SLC5A5: variants seen among roughly 807,000 people sequenced by gnomAD.
SLC5A5 encodes solute carrier family 5 member 5, also known as sodium/iodide cotransporter.
Under a neutral mutation model 68.6 loss-of-function variants are expected in SLC5A5, and 56 were observed. The observed-to-expected ratio is 0.82, with a 90% CI of 0.66 to 1.02. The LOEUF is 1.02. SLC5A5 is among the 50% of genes least tolerant of loss of function. SLC5A5 has a pLI of 0.00. For missense variants in SLC5A5, 807 were observed against 859.8 expected (o/e 0.94, Z 0.77); for synonymous variants, 398 against 373.0 (o/e 1.07, Z -0.77).
chr19:17,885,683 A>G (rs1246035111), intron 12 of SLC5A5, among the ~76,000 whole-genome samples: 2 of 151,788 alleles, frequency 1.3e-5, no homozygotes, highest in Non-Finnish European at 2.9e-5. Flanking sequence ...TCCTGGTCAT[A>G]AGAACATTTT....
chr19:17,872,370 C>T lies in SLC5A5; in HGVS notation c.51C>T (p.Tyr17=), dbSNP rs1057280138. 10 of 1,595,648 alleles carry T rather than the reference C, an allele frequency of 6.3e-6. No individual in the cohort carries two copies. The African/African-American group carries it at 1.3e-4, about 21-fold the overall frequency. ...GERPTFGAWD[Y]GVFALMLLVS... Reference sequence around the variant, plus strand: ...GGCCCACCTTCGGAGCCTGGGACTACGGGGTCTTTGCCCTCATGCTCCTGG... The same window carrying T: ...GGCCCACCTTCGGAGCCTGGGACTATGGGGTCTTTGCCCTCATGCTCCTGG... Residue 17 remains tyrosine, a synonymous_variant, in exon 1 of 15, where the codon TAC becomes TAT. Transcript: ENST00000222248.
intron 4 of SLC5A5, among the ~76,000 whole-genome samples, chr19:17,875,634 T>C (rs1009732195): frequency 6.8e-6 from 1 of 146,860 alleles, no homozygotes; most frequent in African/African-American, 2.6e-5. Context: ...TTTAAATTAG[T>C]CGGGCATGGT....
chr19:17,894,006 C>G lies in SLC5A5; in HGVS notation c.*129C>G. On this transcript the variant is annotated 3_prime_UTR_variant, in exon 15 of 15. Coordinates refer to ENST00000222248, the MANE Select transcript of SLC5A5 (RefSeq NM_000453.3). ...TTGTATGCAAATGAGTTCAGGACTA[C>G]AATACCCTACCCTATGGGGAGGCCC... The G allele has an allele frequency of 2.2e-6, 2 of 913,854 alleles. No homozygotes were observed. The highest frequency in any genetic ancestry group is 3.5e-6 in the Non-Finnish European group (2 of 578,116). The allele number at this position is 913,854 out of a possible 1,614,324, so 56.6% of individuals were successfully genotyped here.
chr19:17,882,320 G>A (rs2094322541), intron 10 of SLC5A5, 101 bp downstream of exon 10: 4 of 927,146 alleles, frequency 4.3e-6, no homozygotes, highest in Non-Finnish European at 6.9e-6. Context: ...ATGTGTCAGT[G>A]GCAGAACTCA....
rs540139881 is a variant in SLC5A5, at chr19:17,893,943, C to T, written c.*66C>T. The T allele has an allele frequency of 9.7e-5, 140 of 1,449,044 alleles. No homozygotes were observed. The highest frequency in any genetic ancestry group is 1.0e-4 in the Non-Finnish European group (106 of 1,054,280). 89.8% of individuals were successfully genotyped at this position (1,449,044 alleles called of 1,614,324 possible). On this transcript the variant is annotated 3_prime_UTR_variant, in exon 15 of 15. Coordinates refer to ENST00000222248, the MANE Select transcript of SLC5A5 (RefSeq NM_000453.3). The stretch of plus-strand genomic sequence containing the variant: ...CTCAGGATGGGCCAAACCCAGACAA[C>T]GGGCCCATGGCCTTGGGCTCTGATT...
chr19:17,890,379 GT>G (rs1183295107), intron 13 of SLC5A5, among the ~76,000 whole-genome samples: 1 of 150,118 alleles, frequency 6.7e-6, no homozygotes, highest in Admixed American at 6.6e-5. Context: ...CTCCAATGAT[GT>G]TTTTGTTTTG....
intron 5 of SLC5A5, 126 bp downstream of exon 5, chr19:17,876,232 C>T: frequency 4.3e-6 from 4 of 932,898 alleles, no homozygotes; most frequent in Non-Finnish European, 6.8e-6. Context: ...GAGTTCAAGA[C>T]CAGCCTGGGC....
At chr19:17,879,836 G>T (rs1464861255) in intron 7 of SLC5A5, among the ~76,000 whole-genome samples, 2 of 152,120 alleles carry the variant, frequency 1.3e-5, no homozygotes, top group African/African-American at 4.8e-5. Context: ...CAATTCTCAG[G>T]TTCATGCAGT....
intron 12 of SLC5A5, among the ~76,000 whole-genome samples, chr19:17,886,603 C>T (rs1238624592): frequency 1.3e-5 from 2 of 152,084 alleles, no homozygotes; most frequent in African/African-American, 2.4e-5. Context: ...CCACCACGCC[C>T]GGCCTATGTT....
chr19:17,875,892 C>T (rs2094305699), intron 4 of SLC5A5, 60 bp from the exon 5 acceptor site: 1 of 1,567,162 alleles, frequency 6.4e-7, no homozygotes, highest in South Asian at 1.1e-5. Flanking sequence ...TCCTAGGCAC[C>T]ACTGAAGGCC....
intron 14 of SLC5A5, among the ~76,000 whole-genome samples, chr19:17,892,691 A>AGAGAGAGAGAGC (rs1386937959): frequency 8.0e-5 from 12 of 150,224 alleles, no homozygotes; most frequent in African/African-American, 3.0e-4. Flanking sequence ...AGAGAGAGAG[A>AGAGAGAGAGAGC]GAGAGAGCAA....
chr19:17,890,084 T>C (rs934972368), intron 13 of SLC5A5, among the ~76,000 whole-genome samples: 13 of 151,972 alleles, frequency 8.6e-5, no homozygotes, highest in Admixed American at 7.2e-4. Context: ...TGTTTTGTTT[T>C]TTTGAGATGG....
Position 17,894,510 on chromosome 19 carries a change from T to C in SLC5A5, c.*633T>C, listed in dbSNP as rs2147760390. On this transcript the variant is annotated 3_prime_UTR_variant, in exon 15 of 15. Transcript: ENST00000222248. ...CCCAGGTAATTTTTGTAATTTTGTA[T>C]TTTTGTAGAGACGGGGTTTTGCCAT... 1 of 152,814 alleles carries C rather than the reference T, an allele frequency of 6.5e-6. No individual in the cohort carries two copies. Among genetic ancestry groups the C allele is most frequent in the South Asian group, 2.1e-4 (1 of 4,840 alleles). 9.5% of individuals were successfully genotyped at this position (152,814 alleles called of 1,614,324 possible).
chr19:17,891,682 G>A (rs1257970483), intron 14 of SLC5A5, among the ~76,000 whole-genome samples: 1 of 152,230 alleles, frequency 6.6e-6, no homozygotes, highest in Non-Finnish European at 1.5e-5. Context: ...ATTCAAAAGT[G>A]AGTCAACTTG....
At chr19:17,874,098 G>T in intron 1 of SLC5A5, 40 bp from the exon 2 acceptor site, 1 of 1,496,636 alleles carries the variant, frequency 6.7e-7, no homozygotes, top group South Asian at 1.1e-5. Context: ...TCGGCTCCTG[G>T]GTAAGGACTG....
rs752151915 is a variant in SLC5A5 at position 17,883,756 on chromosome 19, T to C, written c.1318T>C (p.Cys440Arg). Residue 440 changes from cysteine to arginine, a missense_variant, in exon 11 of 15, where the codon TGC becomes CGC. Cys to Arg is a radical substitution (Grantham distance 180). Transcript: ENST00000222248. ...CATCTTGGGAATGTTCCTGCCGGCCTGCAACACACCGGTGAGTGGGGGCGG... is the reference window on the plus strand; with the variant it reads ...CATCTTGGGAATGTTCCTGCCGGCCCGCAACACACCGGTGAGTGGGGGCGG... ...AFILGMFLPA[C>R]NTPGVLAGLG... The C allele has an allele frequency of 1.5e-5, 22 of 1,430,714 alleles. No individual in the cohort carries two copies. The Admixed American group carries it at 4.1e-4, about 26-fold the overall frequency. The allele number at this position is 1,430,714 out of a possible 1,614,324, so 88.6% of individuals were successfully genotyped here.
rs545574874 is a variant in SLC5A5, at chr19:17,881,102, C to T, written c.1058+149C>T. 7.9e-5 allele frequency: 57 copies of T among 720,634 alleles called. 1 individual carries two copies. In the Admixed American group the frequency reaches 9.1e-4, roughly 11 times the overall value. 44.6% of individuals were successfully genotyped at this position (720,634 alleles called of 1,614,324 possible). ...ATCCCTAGAAGACAGCTCAGGTAGG[C>T]GCTGGCAGAGAGCATGCCCTGGGCA... On this transcript the variant is annotated intron_variant, in intron 8 of 14. Coordinates refer to ENST00000222248, the MANE Select transcript of SLC5A5 (RefSeq NM_000453.3).
intron 4 of SLC5A5, among the ~76,000 whole-genome samples, chr19:17,875,587 A>ACCC (rs59128676): frequency 2.1e-5 from 3 of 145,108 alleles, no homozygotes; most frequent in African/African-American, 7.9e-5. Context: ...ACATAGTGAG[A>ACCC]CCCCCCCCCG....
Position 17,894,024 on chromosome 19 carries a change from G to A in SLC5A5, c.*147G>A. 1 of 794,106 alleles carries A rather than the reference G, an allele frequency of 1.3e-6. No homozygotes were observed. The allele number at this position is 794,106 out of a possible 1,614,324, so 49.2% of individuals were successfully genotyped here. A position where few individuals can be genotyped will look rare whatever the true frequency, so the allele number is the denominator to read the frequency against. On this transcript the variant is annotated 3_prime_UTR_variant, in exon 15 of 15. Coordinates refer to ENST00000222248, the MANE Select transcript of SLC5A5 (RefSeq NM_000453.3). Reference sequence around the variant, plus strand: ...AGGACTACAATACCCTACCCTATGGGGAGGCCCTGCCTCCGGGAGGTCATT... The same window carrying A: ...AGGACTACAATACCCTACCCTATGGAGAGGCCCTGCCTCCGGGAGGTCATT...
Sources: gnomAD v4.1 joint callset for allele counts (sites outside exome capture counted in the v4.1 genomes callset) on GRCh38, gnomAD v4.1.1 for gene constraint, MANE v1.5 for transcripts, NCBI Gene and HGNC (gene_info 2026-07-23, HGNC 2026-07-21) for gene names.